Variants in ST6GALNAC6 observed in about 807,000 individuals in gnomAD.
The protein encoded by ST6GALNAC6 is alpha-N-acetylgalactosaminide alpha-2,6-sialyltransferase 6.
In ST6GALNAC6, 19 loss-of-function variants were observed where a neutral mutation model predicts 34.3. That is an observed-to-expected ratio of 0.55 (90% confidence interval 0.39 to 0.81). The LOEUF is 0.81. Among genes scored for constraint, ST6GALNAC6 ranks in the 40% least tolerant of loss-of-function variants. The probability of loss-of-function intolerance (pLI) is 0.00; values close to 1 mark genes in which losing one functional copy is unlikely to be tolerated. For synonymous variants in ST6GALNAC6, 185 were observed against 182.1 expected, an observed-to-expected ratio of 1.02 and a Z score of -0.13; for missense variants, 377 against 467.7, an observed-to-expected ratio of 0.81 and a Z score of 1.79.
At chr9:127,900,839 C>A (rs1212488850), upstream of ST6GALNAC6, among the ~76,000 whole-genome samples, 1 of 143,868 alleles carries the variant, frequency 7.0e-6, no homozygotes, top group African/African-American at 2.6e-5. Context: ...CACAAATTAG[C>A]GAGGCGTTGT....
intron 3 of ST6GALNAC6, 108 bp downstream of exon 3, chr9:127,896,134 G>C: frequency 7.7e-7 from 1 of 1,298,598 alleles, no homozygotes; most frequent in Non-Finnish European, 1.1e-6. Flanking sequence ...GCTTCTTGCG[G>C]GGAAGAAGAG....
At chr9:127,899,715 C>CG, upstream of ST6GALNAC6, 1 of 963,580 alleles carries the variant, frequency 1.0e-6, no homozygotes, top group Non-Finnish European at 1.2e-6. Flanking sequence ...GCGGCGCGGG[C>CG]GGGGAAGGGA....
chr9:127,904,311 G>C (rs1452172403), upstream of ST6GALNAC6: 1 of 152,124 alleles, frequency 6.6e-6, no homozygotes, highest in Non-Finnish European at 1.5e-5. Context: ...GCCACACCAG[G>C]ACGTTCCTGC....
intron 2 of ST6GALNAC6, chr9:127,897,434 T>G (rs1040857844): frequency 1.6e-4 from 155 of 986,914 alleles, no homozygotes; most frequent in Non-Finnish European, 1.8e-4. Flanking sequence ...AGAGGAGGCT[T>G]GGCACACACA....
upstream of ST6GALNAC6, among the ~76,000 whole-genome samples, chr9:127,902,346 A>G (rs1292352449): frequency 2.0e-5 from 3 of 151,522 alleles, no homozygotes; most frequent in Non-Finnish European, 4.4e-5. Context: ...TTTTTAGTAG[A>G]GATGGGGTTT....
At chr9:127,895,482 T>C (rs1281551066) in intron 3 of ST6GALNAC6, among the ~76,000 whole-genome samples, 29 of 152,184 alleles carry the variant, frequency 1.9e-4, no homozygotes, top group Admixed American at 1.7e-3. Context: ...CCCAGGCCAG[T>C]TCTGTACTGG....
rs948346993 is a variant in ST6GALNAC6 at position 127,897,221 on chromosome 9, T to C, written c.26+735A>G. 6 of 985,746 alleles carry C rather than the reference T, an allele frequency of 6.1e-6. No homozygotes were observed. The African/African-American group carries it at 1.0e-4, about 17-fold the overall frequency. 61.1% of individuals were successfully genotyped at this position (985,746 alleles called of 1,614,324 possible). ...TTCCCCACCTGTGAAAGGGAAAATG[T>C]ACTGTGTCCAGCCTACCTCCAGCAG... On this transcript the variant is annotated intron_variant, in intron 2 of 6. Transcript: ENST00000373146.
chr9:127,897,081 G>A (rs1239826666), intron 2 of ST6GALNAC6: 1 of 863,728 alleles, frequency 1.2e-6, no homozygotes, highest in Non-Finnish European at 1.4e-6. Context: ...CACAGTCTCA[G>A]GGGGTGGCTG....
chr9:127,899,554 C>A lies in ST6GALNAC6; in HGVS notation c.-81G>T. ...GCGGCCCCCGAGCCCCCTCACATGG[C>A]GCCGGGAGCCGAGCGCCGGGGTCCG... On this transcript the variant is annotated 5_prime_UTR_variant, in exon 1 of 7. Transcript: ENST00000373146. 1.0e-6 allele frequency: 1 copy of A among 980,924 alleles called. No individual in the cohort carries two copies. Among genetic ancestry groups the A allele is most frequent in the Non-Finnish European group, 1.2e-6 (1 of 828,142 alleles). The allele number at this position is 980,924 out of a possible 1,614,324, so 60.8% of individuals were successfully genotyped here.
rs112399287 is a variant in ST6GALNAC6, at chr9:127,891,533, C to T, written c.298-490G>A. Among the ~76,000 whole-genome samples, 936 of 151,500 alleles carry T rather than the reference C, an allele frequency of 6.2e-3. 6 individuals are homozygous for T. The highest frequency in any genetic ancestry group is 0.017 in the Middle Eastern group (5 of 294). On this transcript the variant is annotated intron_variant, in intron 4 of 6. Coordinates refer to ENST00000373146, the MANE Select transcript of ST6GALNAC6 (RefSeq NM_013443.5). ...TCGGGAGACTAAGGCACAAGAATTG[C>T]TCGAACCTGGAGGCAGAGGTTGCAG... is the stretch of plus-strand genomic sequence containing the variant.
At chr9:127,905,414 C>T (rs904771533), upstream of ST6GALNAC6, 14 of 985,436 alleles carry the variant, frequency 1.4e-5, no homozygotes, top group African/African-American at 7.0e-5. Flanking sequence ...GTAAATACCC[C>T]ACCCGAGGGT....
rs2131461980 is a variant in ST6GALNAC6 at position 127,887,477 on chromosome 9, G to A, written c.812+7C>T. The A allele has an allele frequency of 6.2e-7, 1 of 1,608,094 alleles. No individual in the cohort carries two copies. Among genetic ancestry groups the A allele is most frequent in the Non-Finnish European group, 8.5e-7 (1 of 1,176,442 alleles). ...GTCCTGGGAGGGCGCTGGCAAGGAG[G>A]GCTCACCTGCAGTAGTTGGGGGGGA... On this transcript the variant is annotated splice_region_variant and intron_variant, in intron 6 of 6. Coordinates refer to ENST00000373146, the MANE Select transcript of ST6GALNAC6 (RefSeq NM_013443.5).
At position 127,894,669 on chromosome 9, in the gene ST6GALNAC6, A is replaced by G; in HGVS notation, c.140T>C (p.Val47Ala). Residue 47 changes from valine (V) to alanine (A), a missense_variant, in exon 4 of 7, where the codon GTG becomes GCG. Val to Ala is a moderately conservative substitution (Grantham distance 64). Coordinates refer to ENST00000373146, the MANE Select transcript of ST6GALNAC6 (RefSeq NM_013443.5). ...GATGGTGATGAGGGCAAAGAGGATCACGAACACTGCTGACCGCTGCTCCTG... is the reference window on the plus strand; with the variant it reads ...GATGGTGATGAGGGCAAAGAGGATCGCGAACACTGCTGACCGCTGCTCCTG... ...SNKEQRSAVFVILFALITILI... is the reference protein window; with the variant it reads ...SNKEQRSAVFAILFALITILI... 6.2e-7 allele frequency: 1 copy of G among 1,614,200 alleles called. No homozygotes were observed. The highest frequency in any genetic ancestry group is 8.5e-7 in the Non-Finnish European group (1 of 1,180,028).
In ST6GALNAC6 at chr9:127,885,714, C is replaced by T. The variant is rs902235639; in HGVS notation, c.*885G>A. On this transcript the variant is annotated 3_prime_UTR_variant, in exon 7 of 7. Transcript: ENST00000373146. The stretch of plus-strand genomic sequence containing the variant: ...CCCTGCTAGAGGGCAGAAAAGGAGG[C>T]CTGGCCCTTTAAGAGCCAAGCTAAT... 2 of 152,246 alleles carry T rather than the reference C, an allele frequency of 1.3e-5. No homozygotes were observed. The highest frequency in any genetic ancestry group is 6.5e-5 in the Admixed American group (1 of 15,282). The allele number at this position is 152,246 out of a possible 1,614,324, so 9.4% of individuals were successfully genotyped here. A position where few individuals can be genotyped will look rare whatever the true frequency, so the allele number is the denominator to read the frequency against.
Position 127,890,512 on chromosome 9 carries a change from C to G in ST6GALNAC6, c.704+125G>C. On this transcript the variant is annotated intron_variant, in intron 5 of 6. Coordinates refer to ENST00000373146, the MANE Select transcript of ST6GALNAC6 (RefSeq NM_013443.5). This position sits in a 1 kb window ranked among gnomAD's most constrained non-coding sequence, Gnocchi z 4.3. ...AAGAGAACTCTCCTAGGAGGCCCAA[C>G]CAGAGGACGGCGGGACTTGACTACC... 7.2e-7 allele frequency: 1 copy of G among 1,397,446 alleles called. No individual in the cohort carries two copies. The highest frequency in any genetic ancestry group is 9.7e-7 in the Non-Finnish European group (1 of 1,026,776). The allele number at this position is 1,397,446 out of a possible 1,614,324, so 86.6% of individuals were successfully genotyped here. A position where few individuals can be genotyped will look rare whatever the true frequency, so the allele number is the denominator to read the frequency against.
chr9:127,900,312 A>G (rs867198481), upstream of ST6GALNAC6, among the ~76,000 whole-genome samples: 5 of 152,222 alleles, frequency 3.3e-5, no homozygotes, highest in Middle Eastern at 6.8e-3. Flanking sequence ...TGTAATCTCA[A>G]CACTTTGGGA....
rs202076632 is a variant in ST6GALNAC6 at position 127,894,671 on chromosome 9, G to A, written c.138C>T (p.Phe46=). 3.0e-5 allele frequency: 49 copies of A among 1,614,150 alleles called. No individual in the cohort carries two copies. The East Asian group carries it at 5.3e-4, about 18-fold the overall frequency. The change falls in exon 4 of 7, where the codon TTC becomes TTT. Residue 46 remains phenylalanine (F), a synonymous_variant. Coordinates refer to ENST00000373146, the MANE Select transcript of ST6GALNAC6 (RefSeq NM_013443.5). ...SSNKEQRSAV[F]VILFALITIL... Reference sequence around the variant, plus strand: ...TGGTGATGAGGGCAAAGAGGATCACGAACACTGCTGACCGCTGCTCCTGGA... The same window carrying A: ...TGGTGATGAGGGCAAAGAGGATCACAAACACTGCTGACCGCTGCTCCTGGA...
intron 2 of ST6GALNAC6, chr9:127,897,434 T>C (rs1040857844): frequency 1.0e-6 from 1 of 986,914 alleles, no homozygotes; most frequent in African/African-American, 1.7e-5. Context: ...AGAGGAGGCT[T>C]GGCACACACA....
chr9:127,898,432 G>T (rs1977424), intron 1 of ST6GALNAC6, among the ~76,000 whole-genome samples: 14,727 of 149,120 alleles, frequency 0.099, 778 homozygotes, highest in South Asian at 0.2. Context: ...TAAAATAAAA[G>T]AAAGAAAGAA....
Sources: allele counts gnomAD v4.1 joint callset (sites outside exome capture counted in the v4.1 genomes callset), GRCh38; gene constraint gnomAD v4.1.1; non-coding constraint Gnocchi (gnomAD v3.1); transcripts MANE v1.5; gene names NCBI Gene and HGNC (gene_info 2026-07-23, HGNC 2026-07-21).